ERBB4: variants seen among roughly 807,000 people sequenced by gnomAD.
ERBB4 encodes the protein erb-b2 receptor tyrosine kinase 4, also known as receptor tyrosine-protein kinase erbB-4.
ERBB4 carries 42 observed loss-of-function variants against 158.0 expected under a neutral mutation model. That is an observed-to-expected ratio of 0.27 (90% CI 0.21 to 0.34). The LOEUF is 0.34. Ranked by LOEUF, ERBB4 falls within the 10% of genes least tolerant of loss-of-function variation. The probability of loss-of-function intolerance (pLI) is 1.00; values close to 1 mark genes in which losing one functional copy is unlikely to be tolerated. For missense variants in ERBB4, 1,333 were observed against 1,624.1 expected (o/e 0.82, Z 3.08); for synonymous variants, 583 against 558.7 (o/e 1.04, Z -0.61).
rs3040357 is a variant in ERBB4 at position 212,447,774 on chromosome 2, TTGTGTGTGTG to T, written c.82+90665_82+90674del. ...CTAAAATATAACTCTTCATAAAAGA[TTGTGTGTGTG>T]TGTGTGTGTGTGTGTGTGTGTGTAT... On this transcript the variant is annotated intron_variant, in intron 1 of 27. Coordinates refer to ENST00000342788, the MANE Select transcript of ERBB4 (RefSeq NM_005235.3). 4.0e-3 allele frequency among the ~76,000 whole-genome samples: 593 copies of T among 147,204 alleles called. 6 individuals carry two copies. The highest frequency in any genetic ancestry group is 0.014 in the African/African-American group (564 of 40,056).
At chr2:212,327,324 G>T (rs7562445) in intron 1 of ERBB4, among the ~76,000 whole-genome samples, 21,414 of 151,704 alleles carry the variant, frequency 0.14, 1,661 homozygotes, top group South Asian at 0.21. Flanking sequence ...GAATTACAAA[G>T]TTAGGTAACT....
intron 20 of ERBB4, among the ~76,000 whole-genome samples, chr2:211,532,151 T>TC (rs2066517476): frequency 6.6e-6 from 1 of 150,996 alleles, no homozygotes; most frequent in Non-Finnish European, 1.5e-5. Flanking sequence ...GGAAGGGTTG[T>TC]GGGGGGGGAA....
intron 12 of ERBB4, among the ~76,000 whole-genome samples, chr2:211,696,515 C>T (rs561425117): frequency 9.2e-5 from 14 of 152,072 alleles, no homozygotes; most frequent in African/African-American, 2.7e-4. Context: ...AAGTGATCTC[C>T]GTAAAGGTCA....
At chr2:212,279,299 T>G (rs1388557181) in intron 1 of ERBB4, among the ~76,000 whole-genome samples, 1 of 151,518 alleles carries the variant, frequency 6.6e-6, no homozygotes, top group Non-Finnish European at 1.5e-5. Context: ...CTGGCAGATC[T>G]CTACTGAAAT....
rs758515428 is a variant in ERBB4 at position 211,722,448 on chromosome 2, C to T, written c.828G>A (p.Glu276=). The stretch of plus-strand genomic sequence containing the variant: ...ATGTGTACTTTGCATTGAAATTGTG[C>T]TCCAGTTGAAAGGTGGTTGGATTGT... The part of the protein sequence containing the change: ...FVYNPTTFQL[E]HNFNAKYTYG... Residue 276 remains glutamate (E), a synonymous_variant, in exon 7 of 28, where the codon GAG becomes GAA. Coordinates refer to ENST00000342788, the MANE Select transcript of ERBB4 (RefSeq NM_005235.3). The T allele has an allele frequency of 6.2e-7, 1 of 1,613,782 alleles. No individual in the cohort carries two copies. Among genetic ancestry groups the T allele is most frequent in the Non-Finnish European group, 8.5e-7 (1 of 1,179,734 alleles).
At chr2:211,933,803 G>A (rs2080239639) in intron 3 of ERBB4, among the ~76,000 whole-genome samples, 1 of 151,932 alleles carries the variant, frequency 6.6e-6, no homozygotes, top group African/African-American at 2.4e-5. Context: ...TCGCATCTAC[G>A]ATCCTCTTCA....
At chr2:212,304,502 A>T (rs1330302704) in intron 1 of ERBB4, among the ~76,000 whole-genome samples, 3 of 151,464 alleles carry the variant, frequency 2.0e-5, no homozygotes, top group Non-Finnish European at 4.4e-5. Context: ...GCATATCCAG[A>T]GACTTATTTC....
chr2:212,208,415 G>A (rs2082830832), intron 1 of ERBB4, among the ~76,000 whole-genome samples: 1 of 151,696 alleles, frequency 6.6e-6, no homozygotes, highest in Admixed American at 6.6e-5. Flanking sequence ...TATCTATCTT[G>A]AAGAAAGATT....
intron 1 of ERBB4, among the ~76,000 whole-genome samples, chr2:212,163,128 T>G (rs551218149): frequency 6.6e-6 from 1 of 152,072 alleles, no homozygotes; most frequent in Non-Finnish European, 1.5e-5. Context: ...TTATGGCATG[T>G]TTTTTGCTTT....
At chr2:212,488,309 T>C (rs560307274) in intron 1 of ERBB4, among the ~76,000 whole-genome samples, 1 of 139,924 alleles carries the variant, frequency 7.1e-6, no homozygotes, top group South Asian at 2.3e-4. Context: ...TTTTCTAAGT[T>C]TCCTCGCTCC....
At chr2:211,654,146 G>A (rs2071123329) in intron 16 of ERBB4, among the ~76,000 whole-genome samples, 2 of 152,136 alleles carry the variant, frequency 1.3e-5, no homozygotes. Flanking sequence ...AGCATTTGTT[G>A]CAATACTGAA....
At chr2:211,556,243 C>T (rs1464177110) in intron 20 of ERBB4, among the ~76,000 whole-genome samples, 1 of 152,140 alleles carries the variant, frequency 6.6e-6, no homozygotes, top group Non-Finnish European at 1.5e-5. Flanking sequence ...CCTAACTATC[C>T]TAAATATATA....
chr2:211,916,571 A>G (rs1424932167), intron 3 of ERBB4, among the ~76,000 whole-genome samples: 1 of 152,188 alleles, frequency 6.6e-6, no homozygotes, highest in Non-Finnish European at 1.5e-5. Flanking sequence ...AGAATATGTG[A>G]TAGAAAATTA....
intron 25 of ERBB4, among the ~76,000 whole-genome samples, chr2:211,390,901 TTA>T (rs1161216626): frequency 2.0e-5 from 3 of 152,312 alleles, no homozygotes; most frequent in African/African-American, 4.8e-5. Context: ...GCTGCTTTTT[TTA>T]TGTTTCTGTT....
At chr2:211,634,631 A>G (rs2070287786) in intron 16 of ERBB4, among the ~76,000 whole-genome samples, 1 of 152,208 alleles carries the variant, frequency 6.6e-6, no homozygotes, top group Non-Finnish European at 1.5e-5. Context: ...TAATGATGAT[A>G]ATGGCTATTA....
chr2:212,024,690 C>T (rs1329690791), intron 2 of ERBB4, among the ~76,000 whole-genome samples: 1 of 151,864 alleles, frequency 6.6e-6, no homozygotes, highest in Non-Finnish European at 1.5e-5. Context: ...ATGTGTTGTC[C>T]TCCAAATCTG....
chr2:211,764,510 A>G (rs1430659357), intron 4 of ERBB4, among the ~76,000 whole-genome samples: 1 of 152,186 alleles, frequency 6.6e-6, no homozygotes. Context: ...TATTATGTAC[A>G]AGGCATGGTT....
chr2:211,701,918 G>A (rs2073269314), intron 12 of ERBB4, 49 bp downstream of exon 12: 1 of 1,399,306 alleles, frequency 7.1e-7, no homozygotes, highest in South Asian at 1.2e-5. Context: ...AAGAAGAATG[G>A]GAAAAAATTT....
chr2:212,122,617 A>C (rs2079791169), intron 2 of ERBB4, among the ~76,000 whole-genome samples: 1 of 152,018 alleles, frequency 6.6e-6, no homozygotes, highest in Non-Finnish European at 1.5e-5. Flanking sequence ...CATTCTAATA[A>C]TGTATCTTAC....
Sources: gnomAD v4.1 joint callset for allele counts (sites outside exome capture counted in the v4.1 genomes callset) on GRCh38, gnomAD v4.1.1 for gene constraint, MANE v1.5 for transcripts, NCBI Gene and HGNC (gene_info 2026-07-23, HGNC 2026-07-21) for gene names.